Variants in NEGR1 observed in about 807,000 individuals in gnomAD.
NEGR1 encodes neuronal growth regulator 1, also known as IgLON family member 4.
NEGR1 carries 10 observed loss-of-function variants against 40.9 expected under a neutral mutation model. The observed-to-expected ratio is 0.24, with a 90% CI of 0.15 to 0.42. NEGR1 has a LOEUF of 0.42. NEGR1 is among the 10% of genes least tolerant of loss of function. The probability of loss-of-function intolerance (pLI) is 1.00; values close to 1 mark genes in which losing one functional copy is unlikely to be tolerated. For missense variants in NEGR1, 352 were observed against 438.9 expected (o/e 0.80, Z 1.77); for synonymous variants, 185 against 166.8 (o/e 1.11, Z -0.84).
intron 2 of NEGR1, among the ~76,000 whole-genome samples, 159 bp from the exon 3 acceptor site, chr1:71,776,456 G>C (rs1430647366): frequency 1.3e-5 from 2 of 152,142 alleles, no homozygotes; most frequent in Non-Finnish European, 2.9e-5. Context: ...AGAACCTCAA[G>C]ACTTTCTAGG....
At chr1:72,241,523 T>C (rs1210912042) in intron 1 of NEGR1, among the ~76,000 whole-genome samples, 3 of 151,598 alleles carry the variant, frequency 2.0e-5, no homozygotes, top group Non-Finnish European at 4.4e-5. Flanking sequence ...TAACTACTCA[T>C]GTTTTGTAAA....
At chr1:71,627,532 A>G (rs1057489526) in intron 4 of NEGR1, among the ~76,000 whole-genome samples, 3 of 151,940 alleles carry the variant, frequency 2.0e-5, no homozygotes, top group African/African-American at 7.2e-5. Context: ...GTGACAAAGA[A>G]CCACTACATT....
At chr1:71,922,738 T>A (rs2101884494) in intron 2 of NEGR1, among the ~76,000 whole-genome samples, 1 of 152,318 alleles carries the variant, frequency 6.6e-6, no homozygotes, top group East Asian at 1.9e-4. Context: ...TAACTCAGAT[T>A]GAATATCTAC....
chr1:71,410,436 CCTTT>C (rs1275406764), intron 6 of NEGR1, among the ~76,000 whole-genome samples: 2 of 152,024 alleles, frequency 1.3e-5, no homozygotes, highest in Non-Finnish European at 2.9e-5. Flanking sequence ...TAAAACCAAT[CCTTT>C]CTTTCAGGAA....
intron 3 of NEGR1, among the ~76,000 whole-genome samples, chr1:71,708,247 A>G (rs1653969359): frequency 1.3e-5 from 2 of 152,128 alleles, no homozygotes; most frequent in African/African-American, 2.4e-5. Flanking sequence ...AGAAAACTCA[A>G]ATAAATTCAA....
intron 6 of NEGR1, among the ~76,000 whole-genome samples, chr1:71,565,902 C>G (rs1318716263): frequency 6.6e-6 from 1 of 151,836 alleles, no homozygotes; most frequent in East Asian, 1.9e-4. Context: ...GATCTATGTC[C>G]ACATGTAAGT....
intron 6 of NEGR1, among the ~76,000 whole-genome samples, chr1:71,440,435 C>A (rs1274865968): frequency 2.0e-5 from 3 of 152,104 alleles, no homozygotes; most frequent in Admixed American, 6.5e-5. Context: ...AACATAAATT[C>A]TACTAATTTT....
At chr1:72,208,846 T>C (rs1039799909) in intron 1 of NEGR1, among the ~76,000 whole-genome samples, 2 of 151,688 alleles carry the variant, frequency 1.3e-5, no homozygotes, top group African/African-American at 2.4e-5. Context: ...TTTGGTACTT[T>C]TGATTACAGA....
At chr1:71,856,600 A>T (rs1659775030) in intron 2 of NEGR1, among the ~76,000 whole-genome samples, 1 of 152,058 alleles carries the variant, frequency 6.6e-6, no homozygotes, top group African/African-American at 2.4e-5. Flanking sequence ...TTTGAACAGG[A>T]AGTGAAGCAA....
chr1:71,988,620 G>A (rs1406953847), intron 1 of NEGR1, among the ~76,000 whole-genome samples: 1 of 150,430 alleles, frequency 6.6e-6, no homozygotes, highest in South Asian at 2.1e-4. Flanking sequence ...TTTTTCAGGT[G>A]AGGAAAACAT....
In NEGR1 at chr1:71,935,064, T is replaced by C. The variant is rs1645891354; in HGVS notation, c.409+15A>G. On this transcript the variant is annotated intron_variant, in intron 2 of 6. Transcript: ENST00000357731. The stretch of plus-strand genomic sequence containing the variant: ...GCACAGTCTTTCACAATATAGCAGT[T>C]CTGAAAATACATACCTTGCACAGTT... 6.7e-7 allele frequency: 1 copy of C among 1,496,154 alleles called. No homozygotes were observed. Among genetic ancestry groups the C allele is most frequent in the African/African-American group, 1.4e-5 (1 of 72,684 alleles). The allele number at this position is 1,496,154 out of a possible 1,614,324, so 92.7% of individuals were successfully genotyped here.
At chr1:72,008,707 C>G (rs1646630751) in intron 1 of NEGR1, among the ~76,000 whole-genome samples, 1 of 151,852 alleles carries the variant, frequency 6.6e-6, no homozygotes, top group Non-Finnish European at 1.5e-5. Context: ...TTGAATAGTC[C>G]CATGATTAAT....
chr1:71,604,144 G>A (rs775042569), intron 5 of NEGR1, among the ~76,000 whole-genome samples: 22 of 152,060 alleles, frequency 1.4e-4, no homozygotes, highest in African/African-American at 4.8e-4. Context: ...AAGTCATGCC[G>A]TTTAATTATA....
At chr1:71,452,471 G>T (rs1463765951) in intron 6 of NEGR1, among the ~76,000 whole-genome samples, 1 of 152,136 alleles carries the variant, frequency 6.6e-6, no homozygotes, top group East Asian at 1.9e-4. Flanking sequence ...TAAAAGGATT[G>T]TTTCTAGACA....
intron 4 of NEGR1, among the ~76,000 whole-genome samples, chr1:71,618,683 C>T (rs570286771): frequency 6.6e-5 from 10 of 152,102 alleles, no homozygotes; most frequent in African/African-American, 2.4e-4. Flanking sequence ...ATAAAGTGCA[C>T]AATAAATATA....
At chr1:71,524,315 A>AGTGTGTGTGTGT (rs60790381) in intron 6 of NEGR1, among the ~76,000 whole-genome samples, 61 of 140,672 alleles carry the variant, frequency 4.3e-4, no homozygotes, top group Middle Eastern at 3.6e-3. Context: ...TTTAAATAGG[A>AGTGTGTGTGTGT]GTGTGTGTGT....
intron 6 of NEGR1, among the ~76,000 whole-genome samples, chr1:71,463,927 A>T (rs1348434146): frequency 6.6e-6 from 1 of 152,208 alleles, no homozygotes; most frequent in Non-Finnish European, 1.5e-5. Context: ...AATGGAGCTT[A>T]TGCCAGATGA....
chr1:71,554,832 C>T (rs1220836472), intron 6 of NEGR1, among the ~76,000 whole-genome samples: 22 of 151,436 alleles, frequency 1.5e-4, no homozygotes, highest in Admixed American at 1.3e-3. Flanking sequence ...CAGGTAGAGC[C>T]TTCTGGAAGA....
chr1:71,441,702 T>C (rs1271325876), intron 6 of NEGR1, among the ~76,000 whole-genome samples: 1 of 152,204 alleles, frequency 6.6e-6, no homozygotes, highest in Non-Finnish European at 1.5e-5. Context: ...AATGGGAATT[T>C]ATGTTATCAT....
Sources: gnomAD v4.1 joint callset for allele counts (sites outside exome capture counted in the v4.1 genomes callset) on GRCh38, gnomAD v4.1.1 for gene constraint, MANE v1.5 for transcripts, NCBI Gene and HGNC (gene_info 2026-07-23, HGNC 2026-07-21) for gene names.